The following NMNAT1 variants were observed in gnomAD, a reference collection of about 807,000 sequenced individuals.
NMNAT1 encodes nicotinamide/nicotinic acid mononucleotide adenylyltransferase 1.
In NMNAT1, 11 loss-of-function variants were observed where a neutral mutation model predicts 16.7. The observed-to-expected ratio is 0.66, with a 90% confidence interval of 0.41 to 1.09. NMNAT1 has a LOEUF of 1.09. Ranked by LOEUF, NMNAT1 falls within the 50% of genes least tolerant of loss-of-function variation. The pLI, the probability that NMNAT1 is intolerant of heterozygous loss-of-function variation, is 0.00. For synonymous variants in NMNAT1, 110 were observed against 119.8 expected (o/e 0.92, Z 0.53); for missense variants, 280 against 332.3 (o/e 0.84, Z 1.22).
intron 1 of NMNAT1, among the ~76,000 whole-genome samples, chr1:9,948,349 C>T (rs1300916363): frequency 1.3e-5 from 2 of 152,052 alleles, no homozygotes; most frequent in South Asian, 2.1e-4. Context: ...TTAAGGTGGG[C>T]GGATTGCTTG....
In NMNAT1 at chr1:9,982,392, C is replaced by T. The variant is rs747492424; in HGVS notation, c.531C>T (p.Ile177=). The change falls in exon 5 of 5, where the codon ATC becomes ATT. Residue 177 remains isoleucine (I), a synonymous_variant. Coordinates refer to ENST00000377205, the MANE Select transcript of NMNAT1 (RefSeq NM_022787.4). ...GGAAGAGTGAAGACATCACCCAAAT[C>T]GTGGCCAACTATGGGCTCATATGTG... is the stretch of plus-strand genomic sequence containing the variant. ...NLWKSEDITQ[I]VANYGLICVT... The T allele has an allele frequency of 9.3e-6, 15 of 1,613,984 alleles. No homozygotes were observed. The highest frequency in any genetic ancestry group is 6.7e-5 in the East Asian group (3 of 44,896).
chr1:9,946,711 G>A (rs1640987668), intron 1 of NMNAT1, among the ~76,000 whole-genome samples: 1 of 152,168 alleles, frequency 6.6e-6, no homozygotes, highest in Non-Finnish European at 1.5e-5. Context: ...AATAATTAAG[G>A]TTAAATGAGG....
In NMNAT1 at chr1:9,968,080, G is replaced by GTTTTTTGTTT. The variant is rs1553126647; in HGVS notation, c.-56-3932_-56-3931insGTTTTTTTTT. Among the ~76,000 whole-genome samples the GTTTTTTGTTT allele has an allele frequency of 3.7e-4, 44 of 117,804 alleles. 3 individuals are homozygous for GTTTTTTGTTT. The highest frequency in any genetic ancestry group is 1.2e-3 in the African/African-American group (42 of 34,142). 77.3% of individuals were successfully genotyped at this position (117,804 alleles called of 152,430 possible). A position where few individuals can be genotyped will look rare whatever the true frequency, so the allele number is the denominator to read the frequency against. ...TTTGCCAAATGTAGTTTTTTTTTTT[G>GTTTTTTGTTT]TTTTTTTTTGAGATGGAGTCTCGCT... On this transcript the variant is annotated intron_variant, in intron 1 of 4. Coordinates refer to ENST00000377205, the MANE Select transcript of NMNAT1 (RefSeq NM_022787.4).
chr1:9,950,011 T>A (rs1226713726), intron 1 of NMNAT1: 1 of 152,174 alleles, frequency 6.6e-6, no homozygotes, highest in East Asian at 1.9e-4. Context: ...AATTGGGTTA[T>A]GATGTCAGTC....
intron 1 of NMNAT1, chr1:9,949,831 TA>T (rs1365834947): frequency 6.6e-6 from 1 of 152,138 alleles, no homozygotes; most frequent in South Asian, 2.1e-4. Flanking sequence ...CTTTTGAAAC[TA>T]AACCTTTGTT....
intron 1 of NMNAT1, among the ~76,000 whole-genome samples, chr1:9,953,448 G>GT (rs57381616): frequency 0.67 from 96,546 of 144,622 alleles, 35,431 homozygotes; most frequent in Non-Finnish European, 0.84. Context: ...AGCTAATTTT[G>GT]TTTTTTTTTT....
At chr1:9,971,208 G>T (rs1570703254) in intron 1 of NMNAT1, among the ~76,000 whole-genome samples, 1 of 152,200 alleles carries the variant, frequency 6.6e-6, no homozygotes, top group African/African-American at 2.4e-5. Flanking sequence ...GTCAAAAAAT[G>T]TGGAGAAGTC....
downstream of NMNAT1, among the ~76,000 whole-genome samples, chr1:9,985,769 TCTC>T (rs1476242206): frequency 6.6e-6 from 1 of 152,182 alleles, no homozygotes; most frequent in Non-Finnish European, 1.5e-5. Flanking sequence ...TTCAAGCAAT[TCTC>T]CTGCTTCAGC....
In NMNAT1 at chr1:9,983,166, T is replaced by C. The variant is rs1252759094; in HGVS notation, c.*465T>C. The C allele has an allele frequency of 6.6e-6, 1 of 152,612 alleles. No homozygotes were observed. Among genetic ancestry groups the C allele is most frequent in the Admixed American group, 6.5e-5 (1 of 15,292 alleles). 9.5% of individuals were successfully genotyped at this position (152,612 alleles called of 1,614,324 possible). A position where few individuals can be genotyped will look rare whatever the true frequency, so the allele number is the denominator to read the frequency against. ...GCTAAAATAAGTTTTTGTTTGTTTA[T>C]TTGTTTTTGAGATGGAGTCTCTACT... On this transcript the variant is annotated 3_prime_UTR_variant, in exon 5 of 5. Transcript: ENST00000377205.
chr1:9,972,334 C>T, intron 2 of NMNAT1, 146 bp downstream of exon 2: 1 of 584,954 alleles, frequency 1.7e-6, no homozygotes, highest in Non-Finnish European at 3.1e-6. Context: ...CATGGTAAAA[C>T]CCTGTCTCTA....
chr1:9,945,964 G>C (rs1640970626), intron 1 of NMNAT1, among the ~76,000 whole-genome samples: 1 of 152,088 alleles, frequency 6.6e-6, no homozygotes, highest in South Asian at 2.1e-4. Flanking sequence ...ATGTTGCCCA[G>C]GCTGGTTTCA....
chr1:9,953,257 G>T (rs1641160720), intron 1 of NMNAT1, among the ~76,000 whole-genome samples: 1 of 148,526 alleles, frequency 6.7e-6, no homozygotes, highest in African/African-American at 2.5e-5. Context: ...GGGATTACAG[G>T]TGTGAGCCAC....
intron 1 of NMNAT1, among the ~76,000 whole-genome samples, chr1:9,965,185 C>T (rs1268886845): frequency 1.3e-5 from 2 of 149,948 alleles, no homozygotes; most frequent in South Asian, 2.1e-4. Context: ...GGTGTGGTGG[C>T]GTGGGCCTGT....
chr1:9,995,565 G>T, the NMNAT1 span, among the ~76,000 whole-genome samples: 10 of 151,696 alleles, frequency 6.6e-5, no homozygotes, highest in Non-Finnish European at 1.2e-4. Context: ...ATGGTGGCAG[G>T]TACCTGTAAT....
At chr1:9,985,874 G>A (rs950628038), downstream of NMNAT1, among the ~76,000 whole-genome samples, 2 of 152,194 alleles carry the variant, frequency 1.3e-5, no homozygotes, top group South Asian at 2.1e-4. Flanking sequence ...TGATGGCAAA[G>A]CTGGCCTCAA....
intron 1 of NMNAT1, among the ~76,000 whole-genome samples, chr1:9,964,528 A>T (rs932837725): frequency 1.3e-5 from 2 of 151,934 alleles, no homozygotes; most frequent in African/African-American, 4.8e-5. Context: ...CCTGGGTGAC[A>T]GAACAAGACC....
chr1:9,982,445 A>G lies in NMNAT1; in HGVS notation c.584A>G (p.Lys195Arg). 6.2e-7 allele frequency: 1 copy of G among 1,614,150 alleles called. No individual in the cohort carries two copies. The highest frequency in any genetic ancestry group is 8.5e-7 in the Non-Finnish European group (1 of 1,180,034). The change falls in exon 5 of 5, where the codon AAG becomes AGG. Residue 195 changes from lysine to arginine, a missense_variant. By Grantham distance (26) the Lys-to-Arg change is conservative. Coordinates refer to ENST00000377205, the MANE Select transcript of NMNAT1 (RefSeq NM_022787.4). ...CVTRAGNDAQ[K>R]FIYESDVLWK... ...ACTCGGGCTGGAAATGATGCTCAGA[A>G]GTTTATCTATGAATCGGATGTGCTG... is the stretch of plus-strand genomic sequence containing the variant.
intron 1 of NMNAT1, chr1:9,947,784 A>G (rs1321466332): frequency 1.3e-5 from 2 of 152,190 alleles, no homozygotes; most frequent in Non-Finnish European, 2.9e-5. Context: ...TGCTACCACC[A>G]TCAGGGCCAG....
chr1:9,943,569 T>C (rs1640878399), intron 1 of NMNAT1, 54 bp downstream of exon 1: 1 of 152,238 alleles, frequency 6.6e-6, no homozygotes, highest in Non-Finnish European at 1.5e-5. Context: ...GTCCTAGATA[T>C]AGGGGAGTCC....
Sources: allele counts gnomAD v4.1 joint callset (sites outside exome capture counted in the v4.1 genomes callset), GRCh38; gene constraint gnomAD v4.1.1; transcripts MANE v1.5; gene names NCBI Gene and HGNC (gene_info 2026-07-23, HGNC 2026-07-21).